Variants in ARMC1 observed in about 807,000 individuals in gnomAD.
ARMC1 encodes the protein armadillo repeat containing 1.
A neutral mutation model predicts 31.4 loss-of-function variants in ARMC1; 16 were observed. That is an observed-to-expected ratio of 0.51 (90% confidence interval 0.34 to 0.77). The LOEUF is 0.77. Among genes scored for constraint, ARMC1 ranks in the 30% least tolerant of loss-of-function variants. The pLI is 0.01. For synonymous variants in ARMC1, 114 were observed against 118.9 expected, an observed-to-expected ratio of 0.96 and a Z score of 0.27; for missense variants, 259 against 347.5, an observed-to-expected ratio of 0.75 and a Z score of 2.02.
At chr8:65,626,504 C>A (rs1398481671) in intron 2 of ARMC1, among the ~76,000 whole-genome samples, 2 of 150,598 alleles carry the variant, frequency 1.3e-5, no homozygotes, top group African/African-American at 4.9e-5. Context: ...GATGGTGACA[C>A]ACAACTCTGT....
chr8:65,611,438 CTTCTGCTTGTTGTGGCTTTA>C (rs1808137862), intron 4 of ARMC1, among the ~76,000 whole-genome samples: 1 of 151,598 alleles, frequency 6.6e-6, no homozygotes, highest in Non-Finnish European at 1.5e-5. Context: ...TGTTTCTTCT[CTTCTGCTTGTTGTGGCTTTA>C]ATTTGTTCTT....
Position 65,602,814 on chromosome 8 carries a change from T to C in ARMC1, c.*1580A>G, listed in dbSNP as rs1807919390. On this transcript the variant is annotated 3_prime_UTR_variant, in exon 7 of 7. Transcript: ENST00000276569. Reference sequence around the variant, plus strand: ...AGAGCAATAGGTGCCCTGAAAGTTATTGTTGCTTTTTTTGTTTTTTTTTTT... The same window carrying C: ...AGAGCAATAGGTGCCCTGAAAGTTACTGTTGCTTTTTTTGTTTTTTTTTTT... The C allele has an allele frequency of 6.8e-6, 1 of 147,394 alleles. No homozygotes were observed. The highest frequency in any genetic ancestry group is 2.5e-5 in the African/African-American group (1 of 40,482). 9.1% of individuals were successfully genotyped at this position (147,394 alleles called of 1,614,324 possible). A position where few individuals can be genotyped will look rare whatever the true frequency, so the allele number is the denominator to read the frequency against.
At chr8:65,620,530 T>C (rs10100131) in intron 3 of ARMC1, among the ~76,000 whole-genome samples, 95,417 of 150,524 alleles carry the variant, frequency 0.63, 30,437 homozygotes, top group African/African-American at 0.69. Flanking sequence ...TCGAACTCCC[T>C]ACCTCAGGTG....
rs145371967 is a variant in ARMC1 at position 65,626,326 on chromosome 8, G to A, written c.183+890C>T. Among the ~76,000 whole-genome samples the A allele has an allele frequency of 9.3e-3, 1,413 of 151,830 alleles. 13 individuals carry two copies. The highest frequency in any genetic ancestry group is 0.015 in the Non-Finnish European group (1,036 of 67,932). ...AATAGATAAAAAGTTGTGGTGGGCC[G>A]GGCACAGTGGCTCACATCTGTAATC... On this transcript the variant is annotated intron_variant, in intron 2 of 6. Coordinates refer to ENST00000276569, the MANE Select transcript of ARMC1 (RefSeq NM_018120.6).
At chr8:65,606,710 T>G (rs911918866) in intron 4 of ARMC1, among the ~76,000 whole-genome samples, 1 of 152,222 alleles carries the variant, frequency 6.6e-6, no homozygotes, top group Non-Finnish European at 1.5e-5. Context: ...TTGTCTCACC[T>G]TAACTCCAAA....
In ARMC1 at chr8:65,627,336, T is replaced by C; in HGVS notation, c.63A>G (p.Leu21=). The change falls in exon 2 of 7, where the codon TTA becomes TTG. Residue 21 remains leucine, a synonymous_variant. Transcript: ENST00000276569. ...EPDALSVVNQ[L]RDLAADPLNR... ...TTAACGGATCTGCTGCTAGATCCCG[T>C]AACTGGTTAACTACCGATAGAGCGT... The C allele has an allele frequency of 6.2e-7, 1 of 1,613,384 alleles. No individual in the cohort carries two copies. Among genetic ancestry groups the C allele is most frequent in the Non-Finnish European group, 8.5e-7 (1 of 1,179,610 alleles).
intron 2 of ARMC1, among the ~76,000 whole-genome samples, chr8:65,626,135 C>CCCACCT (rs1808507026): frequency 6.6e-6 from 1 of 152,152 alleles, no homozygotes. Context: ...AGGTGATCCA[C>CCCACCT]CCACCTCGGC....
intron 3 of ARMC1, among the ~76,000 whole-genome samples, chr8:65,614,877 C>A (rs1452497490): frequency 6.6e-6 from 1 of 152,136 alleles, no homozygotes; most frequent in South Asian, 2.1e-4. Context: ...AATGCCTCTA[C>A]CTAATAACCC....
intron 6 of ARMC1, among the ~76,000 whole-genome samples, chr8:65,604,842 ATAGC>A (rs573816843): frequency 1.1e-3 from 173 of 152,308 alleles, no homozygotes; most frequent in Non-Finnish European, 2.0e-3. Flanking sequence ...CAGCCACTGG[ATAGC>A]CATGGAACCT....
Position 65,607,322 on chromosome 8 carries a change from T to G in ARMC1, c.466-1784A>C, listed in dbSNP as rs112757303. Among the ~76,000 whole-genome samples, 854 of 152,290 alleles carry G rather than the reference T, an allele frequency of 5.6e-3. 11 individuals carry two copies. The highest frequency in any genetic ancestry group is 0.02 in the African/African-American group (816 of 41,562). ...ATTCAACACCAGGTAAACTTGAAAGTGAAGTAAAGCTCACACAATATATAT... is the reference window on the plus strand; with the variant it reads ...ATTCAACACCAGGTAAACTTGAAAGGGAAGTAAAGCTCACACAATATATAT... On this transcript the variant is annotated intron_variant, in intron 4 of 6. Transcript: ENST00000276569.
intron 4 of ARMC1, among the ~76,000 whole-genome samples, chr8:65,611,060 T>G (rs1341701073): frequency 6.6e-6 from 1 of 151,752 alleles, no homozygotes; most frequent in African/African-American, 2.4e-5. Flanking sequence ...CAGCCTCCCA[T>G]GTAGCTGGGA....
intron 4 of ARMC1, among the ~76,000 whole-genome samples, chr8:65,612,795 G>C (rs1160631677): frequency 1.3e-5 from 2 of 152,152 alleles, no homozygotes; most frequent in African/African-American, 4.8e-5. Flanking sequence ...CCAGGAGGCG[G>C]AGGTTGCAAT....
In ARMC1 at chr8:65,609,133, C is replaced by CT. The variant is rs63319761; in HGVS notation, c.466-3596dup. ...TATATTTGTTTGTTTGGTTTCTGCT[C>CT]TTTTTTTTTTTTTTTTTTGAGACGG... On this transcript the variant is annotated intron_variant, in intron 4 of 6. Transcript: ENST00000276569. Among the ~76,000 whole-genome samples the CT allele has an allele frequency of 4.4e-3, 473 of 107,590 alleles. 1 individual carries two copies. Among genetic ancestry groups the CT allele is most frequent in the South Asian group, 0.021 (73 of 3,544 alleles). 70.6% of individuals were successfully genotyped at this position (107,590 alleles called of 152,430 possible). A position where few individuals can be genotyped will look rare whatever the true frequency, so the allele number is the denominator to read the frequency against.
At chr8:65,628,597 C>T (rs1306465039) in intron 1 of ARMC1, among the ~76,000 whole-genome samples, 2 of 150,622 alleles carry the variant, frequency 1.3e-5, no homozygotes, top group African/African-American at 4.9e-5. Context: ...GTGGCTCATG[C>T]CTGTAATCCC....
Position 65,634,174 on chromosome 8 carries a change from C to G in ARMC1, c.-212G>C, listed in dbSNP as rs1001136056. 5.9e-5 allele frequency: 9 copies of G among 152,300 alleles called. No homozygotes were observed. Among genetic ancestry groups the G allele is most frequent in the African/African-American group, 1.9e-4 (8 of 41,474 alleles). 9.4% of individuals were successfully genotyped at this position (152,300 alleles called of 1,614,324 possible). On this transcript the variant is annotated 5_prime_UTR_variant, in exon 1 of 7. Transcript: ENST00000276569. ...GAGCGAAGGCGCTGGCGGGCAAAGG[C>G]TCTGCAGACTCTTCCCAGGTGACCT...
rs570384864 is a variant in ARMC1, at chr8:65,606,450, T to A, written c.466-912A>T. The stretch of plus-strand genomic sequence containing the variant: ...AGGGATAAATTCCAATAGACTGAAG[T>A]TAGAATTAGTGAGCATTCAGTGTTT... On this transcript the variant is annotated intron_variant, in intron 4 of 6. Coordinates refer to ENST00000276569, the MANE Select transcript of ARMC1 (RefSeq NM_018120.6). Among the ~76,000 whole-genome samples, 5 of 152,246 alleles carry A rather than the reference T, an allele frequency of 3.3e-5. No individual in the cohort carries two copies. The South Asian group carries it at 1.0e-3, about 32-fold the overall frequency.
intron 2 of ARMC1, among the ~76,000 whole-genome samples, chr8:65,623,933 G>A (rs1808457213): frequency 6.6e-6 from 1 of 150,916 alleles, no homozygotes; most frequent in Admixed American, 6.6e-5. Context: ...GAGTAGCTGG[G>A]ATTATAGGTG....
intron 2 of ARMC1, among the ~76,000 whole-genome samples, chr8:65,627,012 A>T (rs965462299): frequency 5.3e-5 from 8 of 151,536 alleles, no homozygotes; most frequent in African/African-American, 9.7e-5. Flanking sequence ...CAAAAAAAAA[A>T]AAATAAAGAA....
intron 2 of ARMC1, among the ~76,000 whole-genome samples, chr8:65,624,930 G>A (rs2129043767): frequency 6.6e-6 from 1 of 152,252 alleles, no homozygotes; most frequent in East Asian, 1.9e-4. Context: ...AGACTAGCCT[G>A]GCCAACATGG....
Sources: allele counts gnomAD v4.1 joint callset (sites outside exome capture counted in the v4.1 genomes callset), GRCh38; gene constraint gnomAD v4.1.1; transcripts MANE v1.5; gene names NCBI Gene and HGNC (gene_info 2026-07-23, HGNC 2026-07-21).